Variants in PALS2 observed in about 807,000 individuals in gnomAD.
The protein encoded by PALS2 is protein associated with LIN7 2, MAGUK p55 family member, also known as protein PALS2.
Under a neutral mutation model 61.6 loss-of-function variants are expected in PALS2, and 27 were observed. The ratio of observed to expected loss-of-function variants is 0.44; its 90% CI spans 0.32 to 0.60. The LOEUF (loss-of-function observed/expected upper bound fraction) is 0.60. Ranked by LOEUF, PALS2 falls within the 20% of genes least tolerant of loss-of-function variation. The probability of loss-of-function intolerance (pLI) is 0.05; values close to 1 mark genes in which losing one functional copy is unlikely to be tolerated. For missense variants in PALS2, 554 were observed against 639.4 expected (o/e 0.87, Z 1.44); for synonymous variants, 236 against 218.6 (o/e 1.08, Z -0.70).
chr7:24,643,684 T>C (rs1460066105), intron 3 of PALS2, among the ~76,000 whole-genome samples: 6 of 152,168 alleles, frequency 3.9e-5, no homozygotes, highest in Non-Finnish European at 8.8e-5. Context: ...GATTATGACA[T>C]TGACCTATTG....
At chr7:24,629,557 T>C (rs1045864770) in intron 2 of PALS2, among the ~76,000 whole-genome samples, 12 of 151,964 alleles carry the variant, frequency 7.9e-5, no homozygotes, top group African/African-American at 2.9e-4. Flanking sequence ...GCCTACAGAA[T>C]GGGAGAAAAA....
intron 3 of PALS2, among the ~76,000 whole-genome samples, chr7:24,644,429 G>T (rs932878868): frequency 6.6e-6 from 1 of 152,076 alleles, no homozygotes; most frequent in Non-Finnish European, 1.5e-5. Flanking sequence ...TGCCACAAAA[G>T]ACATGATCTC....
At chr7:24,598,748 CTA>C (rs998950811) in intron 1 of PALS2, among the ~76,000 whole-genome samples, 3 of 152,236 alleles carry the variant, frequency 2.0e-5, no homozygotes, top group African/African-American at 7.2e-5. Flanking sequence ...AATATTTGGA[CTA>C]TGTTTTAATA....
At chr7:24,613,231 C>A (rs1784175840) in intron 1 of PALS2, among the ~76,000 whole-genome samples, 1 of 151,486 alleles carries the variant, frequency 6.6e-6, no homozygotes, top group African/African-American at 2.4e-5. Context: ...AGATCTCATG[C>A]CTTTTTTTAA....
intron 1 of PALS2, among the ~76,000 whole-genome samples, chr7:24,575,255 G>A (rs1782600958): frequency 6.6e-6 from 1 of 152,134 alleles, no homozygotes; most frequent in African/African-American, 2.4e-5. Flanking sequence ...CATCTGGAAT[G>A]TCAAAATGAA....
At chr7:24,575,143 A>G (rs1782597336) in intron 1 of PALS2, among the ~76,000 whole-genome samples, 1 of 152,220 alleles carries the variant, frequency 6.6e-6, no homozygotes, top group Admixed American at 6.5e-5. Context: ...TAATACACAA[A>G]TGGTAACACT....
chr7:24,664,348 A>G (rs895955994), intron 6 of PALS2, among the ~76,000 whole-genome samples: 6 of 152,152 alleles, frequency 3.9e-5, no homozygotes, highest in Admixed American at 3.9e-4. Flanking sequence ...TGCAGCTTTC[A>G]GAAACCCCTA....
intron 3 of PALS2, among the ~76,000 whole-genome samples, chr7:24,643,007 A>G (rs979203691): frequency 5.9e-5 from 9 of 152,188 alleles, no homozygotes; most frequent in Non-Finnish European, 8.8e-5. Flanking sequence ...CAGTACGTAT[A>G]GATAGAAATT....
intron 1 of PALS2, among the ~76,000 whole-genome samples, chr7:24,595,783 A>C (rs1016237586): frequency 2.0e-5 from 3 of 151,152 alleles, no homozygotes; most frequent in African/African-American, 7.3e-5. Flanking sequence ...GTTTAGATTG[A>C]ATGCTTGGGT....
chr7:24,576,572 C>T (rs1384745588), intron 1 of PALS2, among the ~76,000 whole-genome samples: 1 of 152,168 alleles, frequency 6.6e-6, no homozygotes, highest in Non-Finnish European at 1.5e-5. Context: ...GTTAAGTGGT[C>T]TAAGTATGCC....
intron 5 of PALS2, among the ~76,000 whole-genome samples, chr7:24,662,768 G>GAAAAAA (rs59367702): frequency 6.8e-5 from 7 of 102,610 alleles, no homozygotes; most frequent in African/African-American, 1.2e-4. Context: ...GACTCCATCT[G>GAAAAAA]AAAAAAAAAA....
intron 11 of PALS2, among the ~76,000 whole-genome samples, chr7:24,681,408 C>A (rs190537686): frequency 3.3e-5 from 5 of 151,934 alleles, no homozygotes; most frequent in Admixed American, 2.6e-4. Flanking sequence ...TCTGTAAATA[C>A]TTCAGTATTT....
At chr7:24,614,032 G>C (rs1173553317) in intron 1 of PALS2, among the ~76,000 whole-genome samples, 1 of 151,830 alleles carries the variant, frequency 6.6e-6, no homozygotes, top group Non-Finnish European at 1.5e-5. Flanking sequence ...ATTATGAATA[G>C]TGCTGCAGTA....
At chr7:24,607,683 G>A (rs1783968276) in intron 1 of PALS2, among the ~76,000 whole-genome samples, 1 of 151,458 alleles carries the variant, frequency 6.6e-6, no homozygotes, top group African/African-American at 2.4e-5. Context: ...ATACATATGT[G>A]TGTGTATGTG....
chr7:24,574,670 C>A (rs532923487), intron 1 of PALS2, among the ~76,000 whole-genome samples: 1 of 152,104 alleles, frequency 6.6e-6, no homozygotes, highest in Non-Finnish European at 1.5e-5. Flanking sequence ...TGGAATTTTA[C>A]TTTGTGCTTC....
intron 8 of PALS2, among the ~76,000 whole-genome samples, chr7:24,667,604 A>T (rs929306275): frequency 1.3e-4 from 19 of 151,888 alleles, no homozygotes; most frequent in African/African-American, 4.6e-4. Context: ...CAGTGGATAG[A>T]ATCTCTGATA....
chr7:24,673,438 T>C lies in PALS2; in HGVS notation c.1114+4778T>C, dbSNP rs367733538. On this transcript the variant is annotated intron_variant, in intron 9 of 11. Transcript: ENST00000222644. ...GAATGAGTTGTGAAGTATTCTTTCC[T>C]CTTTCATTGTTTGGGAAGAGTATGT... Among the ~76,000 whole-genome samples the C allele has an allele frequency of 6.7e-4, 102 of 152,312 alleles. 1 individual carries two copies. In the South Asian group the frequency reaches 0.02, roughly 29 times the overall value.
In PALS2 at chr7:24,666,036, C is replaced by G; in HGVS notation, c.899C>G (p.Thr300Ser). 6.2e-7 allele frequency: 1 copy of G among 1,610,180 alleles called. No homozygotes were observed. The highest frequency in any genetic ancestry group is 8.5e-7 in the Non-Finnish European group (1 of 1,177,452). ...CATCCTTCAGGACCTTTTTGTGGAA[C>G]TATAAGTAGCAAAAAAAAGAAAAAG... ...DWDNSGPFCGTISSKKKKKMM... is the reference protein window; with the variant it reads ...DWDNSGPFCGSISSKKKKKMM... The change falls in exon 8 of 12, where the codon ACT (threonine) becomes AGT (serine). Residue 300 changes from threonine (T) to serine (S), a missense_variant. Physicochemically the swap from Thr to Ser is moderately conservative, Grantham distance 58. Coordinates refer to ENST00000222644, the MANE Select transcript of PALS2 (RefSeq NM_001303037.2).
At chr7:24,582,643 A>G (rs946689042) in intron 1 of PALS2, among the ~76,000 whole-genome samples, 4 of 152,060 alleles carry the variant, frequency 2.6e-5, no homozygotes, top group Non-Finnish European at 5.9e-5. Context: ...GTATGTCTAT[A>G]TGCACATAAT....
Sources: gnomAD v4.1 joint callset for allele counts (sites outside exome capture counted in the v4.1 genomes callset) on GRCh38, gnomAD v4.1.1 for gene constraint, MANE v1.5 for transcripts, NCBI Gene and HGNC (gene_info 2026-07-23, HGNC 2026-07-21) for gene names.